The following FRMD8 variants were observed in gnomAD, a reference collection of about 807,000 sequenced individuals.
FRMD8 encodes the protein FERM domain-containing protein 8.
A neutral mutation model predicts 54.2 loss-of-function variants in FRMD8; 37 were observed. The ratio of observed to expected loss-of-function variants is 0.68; its 90% confidence interval spans 0.53 to 0.90. FRMD8 has a LOEUF of 0.90. Among genes scored for constraint, FRMD8 ranks in the 40% least tolerant of loss-of-function variants. The probability of loss-of-function intolerance (pLI) is 0.00; values close to 1 mark genes in which losing one functional copy is unlikely to be tolerated. For synonymous variants in FRMD8, 246 were observed against 286.9 expected, an observed-to-expected ratio of 0.86 and a Z score of 1.44; for missense variants, 585 against 653.7, an observed-to-expected ratio of 0.89 and a Z score of 1.15.
rs1856339820 is a variant in FRMD8, at chr11:65,411,801, G to C, written c.*441G>C. 6.5e-6 allele frequency: 1 copy of C among 154,458 alleles called. No homozygotes were observed. The highest frequency in any genetic ancestry group is 1.4e-5 in the Non-Finnish European group (1 of 69,628). 9.6% of individuals were successfully genotyped at this position (154,458 alleles called of 1,614,324 possible). A position where few individuals can be genotyped will look rare whatever the true frequency, so the allele number is the denominator to read the frequency against. ...GCCTTTGGCCTCTTCCCTGGACTTG[G>C]GTGACCAGTCTCCGTCTTCCTCCTG... On this transcript the variant is annotated 3_prime_UTR_variant, in exon 11 of 11. Coordinates refer to ENST00000317568, the MANE Select transcript of FRMD8 (RefSeq NM_031904.5).
chr11:65,385,800 A>AT (rs550885962), upstream of FRMD8, among the ~76,000 whole-genome samples: 495 of 145,288 alleles, frequency 3.4e-3, no homozygotes, highest in African/African-American at 8.4e-3. Context: ...ATATATATAA[A>AT]TTTTTTTTTT....
At chr11:65,369,189 C>A in the FRMD8 span, among the ~76,000 whole-genome samples, 1 of 152,116 alleles carries the variant, frequency 6.6e-6, no homozygotes, top group African/African-American at 2.4e-5. Context: ...CCAGGTGATT[C>A]CAAACAACAG....
In FRMD8 at chr11:65,411,691, A is replaced by G. The variant is rs1343330512; in HGVS notation, c.*331A>G. 2 of 217,364 alleles carry G rather than the reference A, an allele frequency of 9.2e-6. No homozygotes were observed. The highest frequency in any genetic ancestry group is 4.6e-5 in the African/African-American group (2 of 43,752). 13.5% of individuals were successfully genotyped at this position (217,364 alleles called of 1,614,324 possible). On this transcript the variant is annotated 3_prime_UTR_variant, in exon 11 of 11. Coordinates refer to ENST00000317568, the MANE Select transcript of FRMD8 (RefSeq NM_031904.5). ...CCTTTGTGCCCACCTCAAGATGGGC[A>G]GTGTCCCTGTTCTGAAGTGCCCAGT...
intron 7 of FRMD8, among the ~76,000 whole-genome samples, chr11:65,397,259 C>T (rs1473463353): frequency 6.6e-6 from 1 of 152,212 alleles, no homozygotes; most frequent in Non-Finnish European, 1.5e-5. Context: ...ACAGTCACCT[C>T]GTCACTGGCC....
chr11:65,399,453 G>A (rs1035017764), intron 7 of FRMD8, among the ~76,000 whole-genome samples: 6 of 152,118 alleles, frequency 3.9e-5, no homozygotes, highest in Admixed American at 6.5e-5. Flanking sequence ...CCAAACCCAC[G>A]ACTGGCTTTG....
intron 10 of FRMD8, among the ~76,000 whole-genome samples, chr11:65,410,464 C>T (rs772511188): frequency 2.6e-5 from 4 of 151,838 alleles, no homozygotes; most frequent in Admixed American, 6.6e-5. Context: ...CATTGCACTG[C>T]GGCCTGGGTG....
chr11:65,379,681 G>T, the FRMD8 span: 1 of 1,263,190 alleles, frequency 7.9e-7, no homozygotes. Flanking sequence ...CAGGGAAGTG[G>T]GGACAGGCAG....
At chr11:65,381,825 T>C (rs1257824463), upstream of FRMD8, 3 of 1,532,918 alleles carry the variant, frequency 2.0e-6, no homozygotes, top group Non-Finnish European at 2.7e-6. Context: ...AACTCAGACT[T>C]TGGTCTCTGC....
At chr11:65,389,917 G>T (rs1248706316) in intron 3 of FRMD8, among the ~76,000 whole-genome samples, 1 of 152,224 alleles carries the variant, frequency 6.6e-6, no homozygotes, top group Non-Finnish European at 1.5e-5. Flanking sequence ...GCCTAGGCCA[G>T]TCTTGCAGAT....
At chr11:65,390,091 TAGTG>T (rs1855814167) in intron 3 of FRMD8, among the ~76,000 whole-genome samples, 1 of 152,038 alleles carries the variant, frequency 6.6e-6, no homozygotes, top group African/African-American at 2.4e-5. Flanking sequence ...CTGAGGCTCT[TAGTG>T]AGGGTGGGAA....
chr11:65,407,067 T>C (rs987476835), intron 10 of FRMD8, among the ~76,000 whole-genome samples: 3 of 152,190 alleles, frequency 2.0e-5, no homozygotes, highest in African/African-American at 7.2e-5. Context: ...TAACAGATAC[T>C]GTGTCAGTGT....
the FRMD8 span, chr11:65,378,225 G>A: frequency 6.6e-6 from 1 of 152,160 alleles, no homozygotes; most frequent in South Asian, 2.1e-4. Context: ...GTGGTGGAGT[G>A]TCAGATGCCA....
chr11:65,386,489 C>A (rs115939834), upstream of FRMD8: 2,316 of 153,488 alleles, frequency 0.015, 49 homozygotes, highest in African/African-American at 0.052. Flanking sequence ...GTACGTGACG[C>A]GGCCACCCCA....
chr11:65,380,708 C>T, the FRMD8 span: 3 of 816,476 alleles, frequency 3.7e-6, no homozygotes, highest in African/African-American at 3.6e-5. Flanking sequence ...CTAGCCCTGC[C>T]CTCCACAGCA....
chr11:65,374,165 G>A, the FRMD8 span, among the ~76,000 whole-genome samples: 1 of 152,176 alleles, frequency 6.6e-6, no homozygotes, highest in Non-Finnish European at 1.5e-5. Context: ...ACAAAAACTA[G>A]TTGCAGATGG....
chr11:65,386,940 G>A, intron 1 of FRMD8, 97 bp from the exon 2 acceptor site: 1 of 1,103,726 alleles, frequency 9.1e-7, no homozygotes, highest in South Asian at 1.4e-5. Flanking sequence ...TGCGGACCCA[G>A]CCTGGGATCC....
intron 3 of FRMD8, among the ~76,000 whole-genome samples, chr11:65,391,674 C>T (rs2137874246): frequency 6.6e-6 from 1 of 152,208 alleles, no homozygotes; most frequent in Admixed American, 6.5e-5. Flanking sequence ...CCACGCCTGG[C>T]TAATTTTTGT....
chr11:65,387,869 A>G (rs1855765056), intron 2 of FRMD8, among the ~76,000 whole-genome samples: 2 of 151,874 alleles, frequency 1.3e-5, no homozygotes, highest in Non-Finnish European at 2.9e-5. Flanking sequence ...CAGCCTTTTG[A>G]AAGCAGGGAT....
rs1049206877 is a variant in FRMD8 at position 65,389,342 on chromosome 11, T to C, written c.86-19T>C. The stretch of plus-strand genomic sequence containing the variant: ...GCCAGGCAGAGGCCTCAGCTGAGCC[T>C]GCCTGGTCTCCATCACAGCGGCTGA... On this transcript the variant is annotated intron_variant, in intron 2 of 10. Coordinates refer to ENST00000317568, the MANE Select transcript of FRMD8 (RefSeq NM_031904.5). The C allele has an allele frequency of 6.2e-7, 1 of 1,607,792 alleles. No individual in the cohort carries two copies. Among genetic ancestry groups the C allele is most frequent in the African/African-American group, 1.3e-5 (1 of 75,054 alleles).
Sources: allele counts gnomAD v4.1 joint callset (sites outside exome capture counted in the v4.1 genomes callset), GRCh38; gene constraint gnomAD v4.1.1; transcripts MANE v1.5; gene names NCBI Gene and HGNC (gene_info 2026-07-23, HGNC 2026-07-21).